NKIRAS1: variants seen among roughly 807,000 people sequenced by gnomAD.
The protein encoded by NKIRAS1 is NF-kappa-B inhibitor-interacting Ras-like protein 1.
A neutral mutation model predicts 19.8 loss-of-function variants in NKIRAS1; 16 were observed. The ratio of observed to expected loss-of-function variants is 0.81; its 90% CI spans 0.55 to 1.23. The LOEUF (loss-of-function observed/expected upper bound fraction) is 1.23. Among genes scored for constraint, NKIRAS1 ranks in the 50% most tolerant of loss-of-function variants. The probability of loss-of-function intolerance (pLI) is 0.00; values close to 1 mark genes in which losing one functional copy is unlikely to be tolerated. For missense variants in NKIRAS1, 184 were observed against 220.0 expected (o/e 0.84, Z 1.04); for synonymous variants, 88 against 79.0 (o/e 1.11, Z -0.61).
chr3:23,944,262 T>A (rs1214801132), intron 1 of NKIRAS1, among the ~76,000 whole-genome samples: 1 of 151,938 alleles, frequency 6.6e-6, no homozygotes, highest in East Asian at 1.9e-4. Context: ...ACCTGGGGGG[T>A]GGGGAAATAG....
chr3:23,918,175 T>C (rs1268487993), upstream of NKIRAS1: 1 of 1,068,626 alleles, frequency 9.4e-7, no homozygotes, highest in African/African-American at 1.6e-5. Context: ...GGTCAGTTAC[T>C]GTATGCACTG....
At position 23,910,870 on chromosome 3, in the gene NKIRAS1, A is replaced by G; in HGVS notation, c.35T>C (p.Leu12Ser). Residue 12 changes from leucine to serine, a missense_variant, in exon 3 of 5, where the codon TTG becomes TCG. Transcript: ENST00000425478. Reference sequence around the variant, plus strand: ...AATTGCAGTTTTCCCCACAGATAACAATCCACAAACCACAACCTTGCAGCC... The same window carrying G: ...AATTGCAGTTTTCCCCACAGATAACGATCCACAAACCACAACCTTGCAGCC... ...GKGCKVVVCG[L>S]LSVGKTAILE... 6.2e-7 allele frequency: 1 copy of G among 1,614,192 alleles called. No individual in the cohort carries two copies. Among genetic ancestry groups the G allele is most frequent in the Non-Finnish European group, 8.5e-7 (1 of 1,180,020 alleles).
At chr3:23,943,091 C>G (rs1458616463) in intron 1 of NKIRAS1, among the ~76,000 whole-genome samples, 1 of 152,026 alleles carries the variant, frequency 6.6e-6, no homozygotes, top group African/African-American at 2.4e-5. Flanking sequence ...CTAGTTTTGA[C>G]AAATGTGTAA....
chr3:23,914,649 G>A (rs1704120223), intron 1 of NKIRAS1, among the ~76,000 whole-genome samples: 1 of 152,170 alleles, frequency 6.6e-6, no homozygotes, highest in African/African-American at 2.4e-5. Flanking sequence ...AGCCATCAGG[G>A]ACAAACTAGG....
intron 3 of NKIRAS1, among the ~76,000 whole-genome samples, chr3:23,902,707 G>T (rs939128352): frequency 1.5e-4 from 23 of 152,124 alleles, no homozygotes; most frequent in African/African-American, 5.1e-4. Context: ...TAGTTCTCTA[G>T]ATTTCCTCTC....
At chr3:23,900,413 G>A (rs1702399241) in intron 4 of NKIRAS1, among the ~76,000 whole-genome samples, 2 of 151,996 alleles carry the variant, frequency 1.3e-5, no homozygotes, top group African/African-American at 4.8e-5. Context: ...GGCCGGCAAA[G>A]CACTTGAGGT....
chr3:23,906,058 C>G (rs912836495), intron 3 of NKIRAS1, among the ~76,000 whole-genome samples: 2 of 148,598 alleles, frequency 1.3e-5, no homozygotes, highest in African/African-American at 2.5e-5. Context: ...ACTTGGGAGG[C>G]TGAGGCAGGA....
chr3:23,890,567 C>T lies in NKIRAS1; in HGVS notation c.*2528G>A. 1 of 1,613,644 alleles carries T rather than the reference C, an allele frequency of 6.2e-7. No individual in the cohort carries two copies. The highest frequency in any genetic ancestry group is 8.5e-7 in the Non-Finnish European group (1 of 1,179,804). Reference sequence around the variant, plus strand: ...ATATGACCAACAGAGCAGAACATGACAGAATGGCCAGACAGTGGACCAAGA... The same window carrying T: ...ATATGACCAACAGAGCAGAACATGATAGAATGGCCAGACAGTGGACCAAGA... On this transcript the variant is annotated 3_prime_UTR_variant, in exon 5 of 5. Coordinates refer to ENST00000425478, the MANE Select transcript of NKIRAS1 (RefSeq NM_020345.4).
In NKIRAS1 at chr3:23,922,702, T is replaced by C. The variant is rs1195347935; in HGVS notation, c.-139-11252A>G. 6.6e-6 allele frequency: 1 copy of C among 152,226 alleles called. No homozygotes were observed. The highest frequency in any genetic ancestry group is 1.9e-4 in the East Asian group (1 of 5,200). 9.4% of individuals were successfully genotyped at this position (152,226 alleles called of 1,614,324 possible). On this transcript the variant is annotated intron_variant, in intron 1 of 4. Coordinates refer to the NKIRAS1 transcript ENST00000421515. This position sits in a 1 kb window ranked among gnomAD's most constrained non-coding sequence, Gnocchi z 4.2. ...CACGTGGCCAACTTAAAGTTTTTGA[T>C]AGATAATACATTAACGTTAAAAATT...
At chr3:23,921,417 C>T (rs1289855076), upstream of NKIRAS1, among the ~76,000 whole-genome samples, 1 of 152,118 alleles carries the variant, frequency 6.6e-6, no homozygotes, top group Non-Finnish European at 1.5e-5. Context: ...TCAAATACAC[C>T]AAACACTTCC....
intron 4 of NKIRAS1, among the ~76,000 whole-genome samples, 157 bp downstream of exon 4, chr3:23,900,641 CAAAAAAAAAA>C (rs57762803): frequency 8.8e-6 from 1 of 114,170 alleles, no homozygotes; most frequent in Non-Finnish European, 1.8e-5. Context: ...GACTCCGTCT[CAAAAAAAAAA>C]AAAAAAGAAA....
upstream of NKIRAS1, chr3:23,921,453 T>A: frequency 1.6e-6 from 1 of 612,362 alleles, no homozygotes; most frequent in Admixed American, 2.9e-5. Context: ...GGGAAAGCTT[T>A]ACTCCAATAT....
chr3:23,942,864 C>CA (rs1389977454), intron 1 of NKIRAS1, among the ~76,000 whole-genome samples: 4 of 152,206 alleles, frequency 2.6e-5, no homozygotes, highest in African/African-American at 9.6e-5. Context: ...GCTCCTGCAT[C>CA]AGCCTCTTGA....
At chr3:23,928,717 C>T (rs901186377) in intron 1 of NKIRAS1, among the ~76,000 whole-genome samples, 3 of 147,074 alleles carry the variant, frequency 2.0e-5, no homozygotes, top group East Asian at 2.0e-4. Context: ...AAAGGCCGGG[C>T]GCTGTGACTC....
intron 1 of NKIRAS1, among the ~76,000 whole-genome samples, chr3:23,925,193 T>C (rs1705192621): frequency 6.6e-6 from 1 of 152,180 alleles, no homozygotes; most frequent in Non-Finnish European, 1.5e-5. Context: ...ATTTCGTTTC[T>C]CTTTAGTCTT....
At chr3:23,912,951 C>T (rs1307963242) in intron 1 of NKIRAS1, among the ~76,000 whole-genome samples, 2 of 142,394 alleles carry the variant, frequency 1.4e-5, no homozygotes, top group Non-Finnish European at 3.0e-5. Context: ...ACCGTCTCTA[C>T]TAAAAATACA....
At chr3:23,905,190 T>C (rs567628393) in intron 3 of NKIRAS1, among the ~76,000 whole-genome samples, 5 of 152,260 alleles carry the variant, frequency 3.3e-5, no homozygotes, top group African/African-American at 4.8e-5. Flanking sequence ...ATTTAATTCA[T>C]AGAAAATCCA....
At chr3:23,929,213 A>G (rs1285994052) in intron 1 of NKIRAS1, among the ~76,000 whole-genome samples, 2 of 150,292 alleles carry the variant, frequency 1.3e-5, no homozygotes, top group Non-Finnish European at 3.0e-5. Context: ...AGTACAAAAA[A>G]ATTAGCAGGG....
chr3:23,913,730 T>C (rs1005290418), intron 1 of NKIRAS1, among the ~76,000 whole-genome samples: 1 of 152,182 alleles, frequency 6.6e-6, no homozygotes, highest in African/African-American at 2.4e-5. Context: ...GTACACCAGT[T>C]CCTGCGAAAT....
Sources: gnomAD v4.1 joint callset for allele counts (sites outside exome capture counted in the v4.1 genomes callset) on GRCh38, gnomAD v4.1.1 for gene constraint, Gnocchi (gnomAD v3.1) non-coding constraint, MANE v1.5 for transcripts, NCBI Gene and HGNC (gene_info 2026-07-23, HGNC 2026-07-21) for gene names.